Variants in FGF13 observed in about 807,000 individuals in gnomAD.
FGF13 encodes the protein fibroblast growth factor 13, also known as fibroblast growth factor homologous factor 2.
FGF13 carries 2 observed loss-of-function variants against 19.5 expected under a neutral mutation model. That is an observed-to-expected ratio of 0.10 (90% CI 0.04 to 0.32). The LOEUF is 0.32. FGF13 is among the 10% of genes least tolerant of loss of function. The pLI is 1.00. For synonymous variants in FGF13, 72 were observed against 76.9 expected (o/e 0.94, Z 0.33); for missense variants, 113 against 192.7 (o/e 0.59, Z 2.45).
At chrX:138,737,141 A>G (rs1391073675) in intron 1 of FGF13, among the ~76,000 whole-genome samples, 1 of 111,444 alleles carries the variant, frequency 9.0e-6, no homozygotes, top group Non-Finnish European at 1.9e-5. Flanking sequence ...GAGGCAGCAG[A>G]CTTAACTGGA....
At chrX:138,676,532 T>C (rs762862294) in intron 3 of FGF13, among the ~76,000 whole-genome samples, 1 of 111,788 alleles carries the variant, frequency 8.9e-6, no homozygotes, top group South Asian at 3.8e-4. Flanking sequence ...ATCTATGAAA[T>C]ACGGACCCTA....
At chrX:139,065,498 A>AAAAAG (rs1569449080) in intron 1 of FGF13, among the ~76,000 whole-genome samples, 1 of 84,225 alleles carries the variant, frequency 1.2e-5, no homozygotes, top group Non-Finnish European at 2.3e-5. Flanking sequence ...AAAAAAAAGA[A>AAAAAG]AAAGAAAAAA....
chrX:139,130,689 G>T (rs2083753843), intron 1 of FGF13, among the ~76,000 whole-genome samples: 1 of 111,461 alleles, frequency 9.0e-6, no homozygotes, highest in African/African-American at 3.3e-5. Flanking sequence ...TTAAAAAATG[G>T]TAGAGCCTTA....
chrX:138,780,378 TAA>T (rs2090628566), intron 3 of FGF13, among the ~76,000 whole-genome samples: 2 of 92,046 alleles, frequency 2.2e-5, no homozygotes, highest in East Asian at 3.5e-4. Context: ...GCAAATTGGA[TAA>T]AGAGTCAAGA....
At chrX:138,659,508 C>T (rs918320935) in intron 3 of FGF13, among the ~76,000 whole-genome samples, 1 of 111,450 alleles carries the variant, frequency 9.0e-6, no homozygotes, top group Non-Finnish European at 1.9e-5. Flanking sequence ...GGCCATTCCT[C>T]GAGGATCTAG....
chrX:138,979,214 A>G (rs2091953481), intron 1 of FGF13, among the ~76,000 whole-genome samples: 1 of 111,950 alleles, frequency 8.9e-6, no homozygotes, highest in Non-Finnish European at 1.9e-5. Flanking sequence ...TCGTTTGAAT[A>G]TAGGACAGAT....
At chrX:139,181,668 T>A (rs750175424) in intron 1 of FGF13, among the ~76,000 whole-genome samples, 3 of 112,271 alleles carry the variant, frequency 2.7e-5, no homozygotes, top group Non-Finnish European at 5.6e-5. Context: ...ATTACACTAG[T>A]CCCTGCCTTC....
intron 1 of FGF13, chrX:138,864,747 A>C (rs2091308242): frequency 8.9e-6 from 1 of 112,575 alleles, no homozygotes; most frequent in African/African-American, 3.2e-5. Context: ...CATGAATGAC[A>C]TATACTTTTT....
chrX:138,931,468 A>G (rs2091701155), intron 1 of FGF13, among the ~76,000 whole-genome samples: 1 of 112,075 alleles, frequency 8.9e-6, no homozygotes, highest in Non-Finnish European at 1.9e-5. Context: ...GAGTCTAAGC[A>G]GAATCCTTTT....
At chrX:138,983,904 A>G (rs1185301308) in intron 1 of FGF13, among the ~76,000 whole-genome samples, 1 of 111,136 alleles carries the variant, frequency 9.0e-6, no homozygotes, top group African/African-American at 3.3e-5. Flanking sequence ...GATCTGTTTA[A>G]CATTTTGCCT....
chrX:138,826,479 C>T (rs1358955535), intron 3 of FGF13, among the ~76,000 whole-genome samples: 2 of 111,730 alleles, frequency 1.8e-5, no homozygotes, highest in Non-Finnish European at 3.8e-5. Context: ...AACACAGAAA[C>T]ACATGTTTAA....
intron 1 of FGF13, among the ~76,000 whole-genome samples, chrX:139,080,058 C>CCACACA (rs61341655): frequency 0.018 from 1,921 of 105,279 alleles, 42 homozygotes; most frequent in African/African-American, 0.063. Context: ...GAAAATATTA[C>CCACACA]CACACACACA....
In FGF13 at chrX:138,895,279, T is replaced by C. The variant is rs755164163; in HGVS notation, c.-112-30629A>G. 1.8e-5 allele frequency among the ~76,000 whole-genome samples: 2 copies of C among 112,013 alleles called. 1 individual carries two copies. The highest frequency in any genetic ancestry group is 7.5e-4 in the South Asian group (2 of 2,656). ...CATCCATCACCATCCACAGTTACCA[T>C]GTATGTGTGTGTTGGGAGGAAGGGT... On this transcript the variant is annotated intron_variant, in intron 1 of 2. Coordinates refer to the FGF13 transcript ENST00000421460.
At chrX:138,901,320 G>A (rs1316810206) in intron 1 of FGF13, among the ~76,000 whole-genome samples, 1 of 111,252 alleles carries the variant, frequency 9.0e-6, no homozygotes, top group Non-Finnish European at 1.9e-5. Flanking sequence ...CGCACGGTGG[G>A]GCTGTTTGCT....
rs192243590 is a variant in FGF13 at position 138,961,875 on chromosome X, A to G, written c.-112-97225T>C. The stretch of plus-strand genomic sequence containing the variant: ...GATTAAAGACTTAAATGTCAGACCT[A>G]AAAACCATAAAAACCCTAGAAGAAA... On this transcript the variant is annotated intron_variant, in intron 1 of 2. Transcript: ENST00000421460. Among the ~76,000 whole-genome samples, 532 of 111,916 alleles carry G rather than the reference A, an allele frequency of 4.8e-3. 2 individuals carry two copies. The highest frequency in any genetic ancestry group is 0.016 in the African/African-American group (501 of 30,783).
intron 1 of FGF13, among the ~76,000 whole-genome samples, chrX:139,145,420 T>C (rs905399678): frequency 8.9e-6 from 1 of 111,934 alleles, no homozygotes; most frequent in Non-Finnish European, 1.9e-5. Flanking sequence ...TTGTATATTT[T>C]AAGTATATGC....
chrX:139,198,987 T>G (rs1041353545), intron 1 of FGF13, among the ~76,000 whole-genome samples: 4 of 112,694 alleles, frequency 3.5e-5, no homozygotes, highest in Non-Finnish European at 7.5e-5. Context: ...ACTAAGTTTG[T>G]AGAGCTGGTA....
intron 1 of FGF13, among the ~76,000 whole-genome samples, chrX:139,066,156 G>A (rs1234516094): frequency 9.0e-6 from 1 of 111,711 alleles, no homozygotes; most frequent in African/African-American, 3.3e-5. Flanking sequence ...TAGAATCTCT[G>A]GGACACATTT....
intron 1 of FGF13, among the ~76,000 whole-genome samples, chrX:138,908,417 C>T (rs776144727): frequency 1.9e-5 from 2 of 105,041 alleles, no homozygotes; most frequent in Admixed American, 2.1e-4. Context: ...ATCTAATGAG[C>T]ATGTAAAATC....
Sources: allele counts gnomAD v4.1 joint callset (sites outside exome capture counted in the v4.1 genomes callset), GRCh38; gene constraint gnomAD v4.1.1; transcripts MANE v1.5; gene names NCBI Gene and HGNC (gene_info 2026-07-23, HGNC 2026-07-21).